The following NKAIN2 variants were observed in gnomAD, a reference collection of about 807,000 sequenced individuals.
The protein encoded by NKAIN2 is sodium/potassium-transporting ATPase subunit beta-1-interacting protein 2.
A neutral mutation model predicts 32.6 loss-of-function variants in NKAIN2; 14 were observed. The ratio of observed to expected loss-of-function variants is 0.43; its 90% CI spans 0.28 to 0.67. The LOEUF (loss-of-function observed/expected upper bound fraction) is 0.67, where lower values mean the gene tolerates loss of function less well. Ranked by LOEUF, NKAIN2 falls within the 30% of genes least tolerant of loss-of-function variation. The pLI is 0.17. For synonymous variants in NKAIN2, 80 were observed against 87.2 expected (o/e 0.92, Z 0.46); for missense variants, 198 against 258.3 (o/e 0.77, Z 1.60).
intron 3 of NKAIN2, among the ~76,000 whole-genome samples, chr6:124,461,547 T>C (rs1202927508): frequency 1.3e-5 from 2 of 151,834 alleles, no homozygotes; most frequent in Admixed American, 6.6e-5. Context: ...GTTCAATATA[T>C]TTTTTAAAAG....
chr6:124,779,478 C>A (rs1779160422), intron 4 of NKAIN2, among the ~76,000 whole-genome samples: 1 of 152,030 alleles, frequency 6.6e-6, no homozygotes, highest in Admixed American at 6.6e-5. Context: ...AAAATAAAAA[C>A]CAGTTAATCC....
intron 1 of NKAIN2, among the ~76,000 whole-genome samples, chr6:124,155,563 A>C (rs1240050450): frequency 6.6e-6 from 1 of 152,024 alleles, no homozygotes; most frequent in African/African-American, 2.4e-5. Flanking sequence ...TATTTAGGAT[A>C]GATGATGAAA....
intron 4 of NKAIN2, among the ~76,000 whole-genome samples, chr6:124,728,851 C>T (rs1183758222): frequency 1.2e-3 from 186 of 151,494 alleles, no homozygotes; most frequent in Non-Finnish European, 2.3e-3. Flanking sequence ...ATCTAATAGA[C>T]GCAATAAAAA....
chr6:123,980,188 G>A (rs187131673), intron 1 of NKAIN2, among the ~76,000 whole-genome samples: 15 of 152,228 alleles, frequency 9.9e-5, no homozygotes, highest in Admixed American at 8.5e-4. Context: ...ATAATGACAT[G>A]TAGATAAATA....
intron 1 of NKAIN2, among the ~76,000 whole-genome samples, chr6:123,810,866 G>A (rs1468969935): frequency 6.6e-6 from 1 of 152,080 alleles, no homozygotes; most frequent in Non-Finnish European, 1.5e-5. Flanking sequence ...AATATGTGTT[G>A]AATATGCTTG....
chr6:124,448,134 G>T (rs1408370662), intron 3 of NKAIN2, among the ~76,000 whole-genome samples: 1 of 151,944 alleles, frequency 6.6e-6, no homozygotes, highest in East Asian at 1.9e-4. Flanking sequence ...ATTATCTTGG[G>T]TTTCAGTTTC....
At chr6:124,000,387 A>G (rs1779827697) in intron 1 of NKAIN2, among the ~76,000 whole-genome samples, 1 of 152,104 alleles carries the variant, frequency 6.6e-6, no homozygotes, top group Admixed American at 6.6e-5. Flanking sequence ...TTACCTTGGA[A>G]GCCACTAGCT....
chr6:124,497,539 T>C (rs1343077384), intron 3 of NKAIN2, among the ~76,000 whole-genome samples: 1 of 152,122 alleles, frequency 6.6e-6, no homozygotes. Context: ...GGCACTTTTT[T>C]TTCCCTATAA....
rs540109416 is a variant in NKAIN2 at position 124,727,985 on chromosome 6, A to T, written c.475-63354A>T. Among the ~76,000 whole-genome samples, 662 of 151,238 alleles carry T rather than the reference A, an allele frequency of 4.4e-3. 1 individual carries two copies. The highest frequency in any genetic ancestry group is 4.8e-3 in the Non-Finnish European group (323 of 67,788). On this transcript the variant is annotated intron_variant, in intron 4 of 6. Transcript: ENST00000368417. ...AAGGCCATTACATAATGGTAAAGGG[A>T]TCAATTCAACAAGAAGAGCTAACTA... is the stretch of plus-strand genomic sequence containing the variant.
At chr6:124,196,721 A>T (rs996689810) in intron 1 of NKAIN2, among the ~76,000 whole-genome samples, 1 of 152,100 alleles carries the variant, frequency 6.6e-6, no homozygotes, top group Non-Finnish European at 1.5e-5. Flanking sequence ...TTATATTTGC[A>T]AATTTAATTG....
chr6:124,566,788 C>T (rs1431152789), intron 3 of NKAIN2, among the ~76,000 whole-genome samples: 1 of 151,662 alleles, frequency 6.6e-6, no homozygotes, highest in African/African-American at 2.4e-5. Flanking sequence ...CTAAAAAAAC[C>T]TTAATTTAGT....
intron 3 of NKAIN2, among the ~76,000 whole-genome samples, chr6:124,570,950 C>A (rs150379780): frequency 5.4e-3 from 829 of 152,252 alleles, no homozygotes; most frequent in Non-Finnish European, 8.4e-3. Flanking sequence ...GCCACAGAGG[C>A]AGAGCTGCCC....
At chr6:124,012,070 T>A (rs1031298580) in intron 1 of NKAIN2, among the ~76,000 whole-genome samples, 4 of 152,016 alleles carry the variant, frequency 2.6e-5, no homozygotes, top group African/African-American at 9.7e-5. Context: ...TGACATGAAA[T>A]AAAATGCATA....
rs373671340 is a variant in NKAIN2 at position 124,248,130 on chromosome 6, C to T, written c.55-34875C>T. Among the ~76,000 whole-genome samples, 4 of 152,098 alleles carry T rather than the reference C, an allele frequency of 2.6e-5. 1 individual carries two copies. Among genetic ancestry groups the T allele is most frequent in the South Asian group, 4.1e-4 (2 of 4,824 alleles). ...TCCAGAATACATTTTAGTTCATTGACCAGTATGTCAATAAAATTTTAATAA... is the reference window on the plus strand; with the variant it reads ...TCCAGAATACATTTTAGTTCATTGATCAGTATGTCAATAAAATTTTAATAA... On this transcript the variant is annotated intron_variant, in intron 1 of 6. Transcript: ENST00000368417.
intron 3 of NKAIN2, among the ~76,000 whole-genome samples, chr6:124,572,830 TTTG>T (rs1218031727): frequency 2.0e-5 from 3 of 151,804 alleles, no homozygotes; most frequent in Admixed American, 6.6e-5. Context: ...AAAAGTTATA[TTTG>T]TTATTTTATT....
At chr6:124,031,822 AT>A (rs1306003661) in intron 1 of NKAIN2, among the ~76,000 whole-genome samples, 5 of 152,040 alleles carry the variant, frequency 3.3e-5, no homozygotes, top group African/African-American at 1.2e-4. Flanking sequence ...GGAGTGCTTT[AT>A]TTCCAACTAT....
At chr6:123,882,163 A>T (rs565481041) in intron 1 of NKAIN2, among the ~76,000 whole-genome samples, 1 of 152,192 alleles carries the variant, frequency 6.6e-6, no homozygotes, top group Admixed American at 6.5e-5. Flanking sequence ...TGTGTTTTAA[A>T]TTTTTGCACA....
chr6:124,448,281 C>G (rs899956621), intron 3 of NKAIN2, among the ~76,000 whole-genome samples: 1 of 152,068 alleles, frequency 6.6e-6, no homozygotes, highest in Non-Finnish European at 1.5e-5. Context: ...GGGATTTTAT[C>G]GTGGCATGAC....
At chr6:123,842,419 A>C (rs1411238540) in intron 1 of NKAIN2, among the ~76,000 whole-genome samples, 1 of 151,986 alleles carries the variant, frequency 6.6e-6, no homozygotes, top group East Asian at 1.9e-4. Context: ...AGGACACTAG[A>C]CCTATCAGAT....
Sources: allele counts gnomAD v4.1 joint callset (sites outside exome capture counted in the v4.1 genomes callset), GRCh38; gene constraint gnomAD v4.1.1; transcripts MANE v1.5; gene names NCBI Gene and HGNC (gene_info 2026-07-23, HGNC 2026-07-21).